The following CREB3L2 variants were observed in gnomAD, a reference collection of about 807,000 sequenced individuals.
The protein encoded by CREB3L2 is cyclic AMP-responsive element-binding protein 3-like protein 2.
In CREB3L2, 23 loss-of-function variants were observed where a neutral mutation model predicts 57.2. That is an observed-to-expected ratio of 0.40 (90% CI 0.29 to 0.57). The LOEUF is 0.57. CREB3L2 is among the 20% of genes least tolerant of loss of function. The pLI is 0.42. For synonymous variants in CREB3L2, 268 were observed against 265.1 expected (o/e 1.01, Z -0.11); for missense variants, 628 against 634.7 (o/e 0.99, Z 0.11).
At position 137,879,907 on chromosome 7, in the gene CREB3L2, G is replaced by C. The variant is rs1799252845; in HGVS notation, c.*569C>G. 4.2e-6 allele frequency: 1 copy of C among 235,674 alleles called. No individual in the cohort carries two copies. The allele number at this position is 235,674 out of a possible 1,614,324, so 14.6% of individuals were successfully genotyped here. On this transcript the variant is annotated 3_prime_UTR_variant, in exon 12 of 12. Coordinates refer to ENST00000330387, the MANE Select transcript of CREB3L2 (RefSeq NM_194071.4). ...ACTTGCGGCCTGAGAATATGAACGA[G>C]AGCCCTCGCCTGCCAGTGCTGCTGC... is the stretch of plus-strand genomic sequence containing the variant.
Position 137,878,256 on chromosome 7 carries a change from G to C in CREB3L2, c.*2220C>G, listed in dbSNP as rs992570376. On this transcript the variant is annotated 3_prime_UTR_variant, in exon 12 of 12. Coordinates refer to ENST00000330387, the MANE Select transcript of CREB3L2 (RefSeq NM_194071.4). ...AGAGCACGTTTCCTACTCTACGTCT[G>C]GGAGCCTTGAAAACCCAGTCTGGTT... 1 of 232,598 alleles carries C rather than the reference G, an allele frequency of 4.3e-6. No homozygotes were observed. Among genetic ancestry groups the C allele is most frequent in the Non-Finnish European group, 8.5e-6 (1 of 117,740 alleles). The allele number at this position is 232,598 out of a possible 1,614,324, so 14.4% of individuals were successfully genotyped here.
At chr7:137,956,142 T>C (rs1801206159) in intron 1 of CREB3L2, among the ~76,000 whole-genome samples, 1 of 152,190 alleles carries the variant, frequency 6.6e-6, no homozygotes, top group Non-Finnish European at 1.5e-5. Flanking sequence ...ATGTAAGACT[T>C]TGAATCAGAG....
intron 6 of CREB3L2, among the ~76,000 whole-genome samples, chr7:137,904,495 G>A (rs1319252417): frequency 7.2e-5 from 11 of 152,058 alleles, no homozygotes; most frequent in East Asian, 3.9e-4. Flanking sequence ...GTAAAACCCC[G>A]TCTACTAAAA....
chr7:137,989,289 G>GC (rs957315021), intron 1 of CREB3L2, among the ~76,000 whole-genome samples: 3 of 152,026 alleles, frequency 2.0e-5, no homozygotes, highest in Non-Finnish European at 4.4e-5. Context: ...CACAGACACC[G>GC]CCCTGAGCTA....
At chr7:137,970,054 T>C (rs180877889) in intron 1 of CREB3L2, among the ~76,000 whole-genome samples, 69 of 152,304 alleles carry the variant, frequency 4.5e-4, no homozygotes, top group African/African-American at 1.5e-3. Context: ...ATGGGGGGGT[T>C]AGAAGATCAT....
Position 137,875,154 on chromosome 7 carries a change from C to T in CREB3L2, c.*5322G>A, listed in dbSNP as rs554732858. ...AAGTCATTTAAAAAACGCGATAGGA[C>T]AGATAACAGACTCACAACGTATTTA... On this transcript the variant is annotated 3_prime_UTR_variant, in exon 12 of 12. Coordinates refer to ENST00000330387, the MANE Select transcript of CREB3L2 (RefSeq NM_194071.4). 1 of 202,544 alleles carries T rather than the reference C, an allele frequency of 4.9e-6. No homozygotes were observed. Among genetic ancestry groups the T allele is most frequent in the South Asian group, 1.9e-4 (1 of 5,192 alleles). 12.5% of individuals were successfully genotyped at this position (202,544 alleles called of 1,614,324 possible).
intron 8 of CREB3L2, among the ~76,000 whole-genome samples, chr7:137,893,958 G>C (rs1192260825): frequency 6.6e-6 from 1 of 152,176 alleles, no homozygotes; most frequent in Non-Finnish European, 1.5e-5. Context: ...ACTTCCCAGG[G>C]CTGCTTGCCA....
At chr7:137,988,938 AGAAG>A (rs1211290001) in intron 1 of CREB3L2, among the ~76,000 whole-genome samples, 3 of 142,232 alleles carry the variant, frequency 2.1e-5, no homozygotes, top group Non-Finnish European at 3.1e-5. Flanking sequence ...AAAGAGAGAC[AGAAG>A]GAAGGAAGGA....
At chr7:137,893,164 G>A (rs1378754368) in intron 8 of CREB3L2, among the ~76,000 whole-genome samples, 2 of 152,124 alleles carry the variant, frequency 1.3e-5, no homozygotes, top group African/African-American at 2.4e-5. Context: ...GAACCAGAGG[G>A]CATTTCTGAA....
In CREB3L2 at chr7:137,903,942, T is replaced by C; in HGVS notation, c.974+17A>G. 2 of 1,608,460 alleles carry C rather than the reference T, an allele frequency of 1.2e-6. No individual in the cohort carries two copies. The highest frequency in any genetic ancestry group is 1.7e-6 in the Non-Finnish European group (2 of 1,174,846). On this transcript the variant is annotated intron_variant, in intron 7 of 11. Transcript: ENST00000330387. Reference sequence around the variant, plus strand: ...GCATACTGCCCGATGAACGCAACAGTTTGCCAGCAGGCTTACTTTTTCTCC... The same window carrying C: ...GCATACTGCCCGATGAACGCAACAGCTTGCCAGCAGGCTTACTTTTTCTCC...
intron 1 of CREB3L2, among the ~76,000 whole-genome samples, chr7:137,942,014 T>C (rs1247851787): frequency 2.0e-5 from 3 of 152,194 alleles, no homozygotes; most frequent in East Asian, 3.8e-4. Flanking sequence ...CAATTCATAA[T>C]TGATTGATTG....
At chr7:137,896,881 T>C (rs530245898) in intron 8 of CREB3L2, among the ~76,000 whole-genome samples, 2 of 152,290 alleles carry the variant, frequency 1.3e-5, no homozygotes, top group South Asian at 2.1e-4. Flanking sequence ...AAATACTGTA[T>C]GGTATCACTT....
At chr7:137,977,117 G>A (rs976146035) in intron 1 of CREB3L2, among the ~76,000 whole-genome samples, 1 of 152,144 alleles carries the variant, frequency 6.6e-6, no homozygotes, top group Admixed American at 6.5e-5. Flanking sequence ...CCCTGCCCCT[G>A]CACCTCCCAC....
At chr7:137,957,107 G>A (rs189725838) in intron 1 of CREB3L2, among the ~76,000 whole-genome samples, 1 of 152,076 alleles carries the variant, frequency 6.6e-6, no homozygotes, top group Admixed American at 6.6e-5. Context: ...TAATGATGAC[G>A]TGGAGTTCCC....
chr7:137,881,809 T>C (rs1351730779), intron 11 of CREB3L2, among the ~76,000 whole-genome samples: 3 of 152,170 alleles, frequency 2.0e-5, no homozygotes, highest in Admixed American at 6.5e-5. Context: ...AAGGGATTTT[T>C]CCCAGAAACT....
Position 137,960,809 on chromosome 7 carries a change from CTTTTTTTTTTTT to C in CREB3L2, c.103-32455_103-32444del, listed in dbSNP as rs66493086. 1.3e-4 allele frequency among the ~76,000 whole-genome samples: 12 copies of C among 95,578 alleles called. 3 individuals are homozygous for C. The highest frequency in any genetic ancestry group is 5.2e-4 in the African/African-American group (12 of 23,188). The allele number at this position is 95,578 out of a possible 152,430, so 62.7% of individuals were successfully genotyped here. ...TTTTAAACTTAAAACTAAATTATTT[CTTTTTTTTTTTT>C]TTTTTTTTTGAGACAGAGTTTCACT... On this transcript the variant is annotated intron_variant, in intron 1 of 11. Transcript: ENST00000330387.
At position 137,881,218 on chromosome 7, in the gene CREB3L2, C is replaced by T. The variant is rs549707873; in HGVS notation, c.1488-667G>A. On this transcript the variant is annotated intron_variant, in intron 11 of 11. Transcript: ENST00000330387. ...GCTACATTGGCAAGTCTCTCTATGA[C>T]GGGAATAATAATGATGCCTTACCAC... 7.9e-5 allele frequency among the ~76,000 whole-genome samples: 12 copies of T among 152,154 alleles called. No individual in the cohort carries two copies. In the South Asian group the frequency reaches 2.3e-3, roughly 29 times the overall value.
At chr7:137,924,038 T>C (rs1253441317) in intron 2 of CREB3L2, among the ~76,000 whole-genome samples, 2 of 152,164 alleles carry the variant, frequency 1.3e-5, no homozygotes, top group African/African-American at 4.8e-5. Context: ...ACTACTGTGT[T>C]CATTCCCACC....
chr7:137,928,494 AGCTCGTGCTG>A, intron 1 of CREB3L2, 128 bp from the exon 2 acceptor site: 1 of 747,164 alleles, frequency 1.3e-6, no homozygotes, highest in Non-Finnish European at 2.3e-6. Flanking sequence ...ATGTCCAGTT[AGCTCGTGCTG>A]TGTAGCAAAC....
Sources: allele counts gnomAD v4.1 joint callset (sites outside exome capture counted in the v4.1 genomes callset), GRCh38; gene constraint gnomAD v4.1.1; transcripts MANE v1.5; gene names NCBI Gene and HGNC (gene_info 2026-07-23, HGNC 2026-07-21).